OTOF: variants seen among roughly 807,000 people sequenced by gnomAD.
OTOF encodes fer-1-like family member 2.
In OTOF, 218 loss-of-function variants were observed where a neutral mutation model predicts 236.8. The ratio of observed to expected loss-of-function variants is 0.92; its 90% CI spans 0.82 to 1.03. The LOEUF (loss-of-function observed/expected upper bound fraction) is 1.03, where lower values mean the gene tolerates loss of function less well. Ranked by LOEUF, OTOF falls within the 50% of genes least tolerant of loss-of-function variation. The pLI, the probability that OTOF is intolerant of heterozygous loss-of-function variation, is 0.00. For synonymous variants in OTOF, 1,041 were observed against 1,072.5 expected, an observed-to-expected ratio of 0.97 and a Z score of 0.57; for missense variants, 2,590 against 2,694.4, an observed-to-expected ratio of 0.96 and a Z score of 0.86.
At chr2:26,528,919 G>T (rs1224069376) in intron 2 of OTOF, among the ~76,000 whole-genome samples, 1 of 152,248 alleles carries the variant, frequency 6.6e-6, no homozygotes, top group East Asian at 1.9e-4. Flanking sequence ...AGTGGCATCT[G>T]CAGGGCAGTG....
At chr2:26,459,415 G>A (rs1028762359) in intron 46 of OTOF, among the ~76,000 whole-genome samples, 3 of 152,148 alleles carry the variant, frequency 2.0e-5, no homozygotes, top group Non-Finnish European at 2.9e-5. Context: ...ATCCAGGCGT[G>A]GTGGCGGGTG....
intron 5 of OTOF, among the ~76,000 whole-genome samples, chr2:26,508,620 A>G (rs1666309396): frequency 6.6e-6 from 1 of 152,220 alleles, no homozygotes; most frequent in Non-Finnish European, 1.5e-5. Flanking sequence ...ATGGAAGATG[A>G]TGGGTGTTTT....
chr2:26,512,581 G>A (rs1047435543), intron 5 of OTOF, among the ~76,000 whole-genome samples: 3 of 152,226 alleles, frequency 2.0e-5, no homozygotes, highest in Admixed American at 1.3e-4. Context: ...CTGCAACACT[G>A]AGAGCCTGGG....
chr2:26,532,238 G>A (rs1666968083), intron 2 of OTOF, among the ~76,000 whole-genome samples: 2 of 152,130 alleles, frequency 1.3e-5, no homozygotes, highest in Non-Finnish European at 2.9e-5. Flanking sequence ...TTTTACAAGT[G>A]GGAAAGTGGA....
chr2:26,482,338 T>A, intron 14 of OTOF, 68 bp downstream of exon 14: 1 of 1,411,994 alleles, frequency 7.1e-7, no homozygotes, highest in East Asian at 2.3e-5. Flanking sequence ...AGAGAGGGCA[T>A]CTCACATATT....
chr2:26,507,173 AAAATGCAG>A (rs1463030082), intron 5 of OTOF, among the ~76,000 whole-genome samples: 2 of 152,220 alleles, frequency 1.3e-5, no homozygotes, highest in African/African-American at 4.8e-5. Context: ...CCCTTTATTA[AAAATGCAG>A]AAATGTGTAG....
At chr2:26,505,980 C>T (rs1666237791) in intron 5 of OTOF, among the ~76,000 whole-genome samples, 1 of 152,230 alleles carries the variant, frequency 6.6e-6, no homozygotes, top group African/African-American at 2.4e-5. Context: ...GGTGACATAA[C>T]ATTGAACAGA....
At chr2:26,553,999 C>G (rs901488859) in intron 1 of OTOF, among the ~76,000 whole-genome samples, 3 of 152,004 alleles carry the variant, frequency 2.0e-5, no homozygotes, top group East Asian at 1.9e-4. Context: ...GGTGAAACAC[C>G]GTCTCTACTA....
rs536415448 is a variant in OTOF, at chr2:26,513,734, G to T, written c.509+2684C>A. Among the ~76,000 whole-genome samples the T allele has an allele frequency of 9.2e-5, 14 of 152,238 alleles. 1 individual carries two copies. The highest frequency in any genetic ancestry group is 1.8e-4 in the Non-Finnish European group (12 of 68,032). On this transcript the variant is annotated intron_variant, in intron 5 of 46. Coordinates refer to ENST00000272371, the MANE Select transcript of OTOF (RefSeq NM_194248.3). ...AGAGGATGGAGGGCAGGGAGCAGAT[G>T]CAGGGGAAGCCTGCCTGGGCTCCTA... is the stretch of plus-strand genomic sequence containing the variant.
intron 5 of OTOF, among the ~76,000 whole-genome samples, chr2:26,509,359 G>T (rs79448589): frequency 6.6e-6 from 1 of 152,136 alleles, no homozygotes; most frequent in African/African-American, 2.4e-5. Context: ...CTCTGCCTAC[G>T]TGTCTTCCCT....
In OTOF at chr2:26,514,051, C is replaced by T. The variant is rs112352350; in HGVS notation, c.509+2367G>A. On this transcript the variant is annotated intron_variant, in intron 5 of 46. Transcript: ENST00000272371. ...AGTTCTTGAACCCGCTCCACCTTCTCCTCACCAGCAAATGGCCCATCTCTA... is the reference window on the plus strand; with the variant it reads ...AGTTCTTGAACCCGCTCCACCTTCTTCTCACCAGCAAATGGCCCATCTCTA... 1.6e-3 allele frequency among the ~76,000 whole-genome samples: 249 copies of T among 152,382 alleles called. 1 individual carries two copies. Among genetic ancestry groups the T allele is most frequent in the African/African-American group, 5.8e-3 (240 of 41,592 alleles).
chr2:26,465,596 CA>C lies in OTOF; in HGVS notation c.4799+75del. ...CACAATGTCTAACCTCTCAAATCACCAGGATCTGAATCTCATTTTAGAGTGG... is the reference window on the plus strand; with the variant it reads ...CACAATGTCTAACCTCTCAAATCACCGGATCTGAATCTCATTTTAGAGTGG... On this transcript the variant is annotated intron_variant, in intron 38 of 46. Coordinates refer to ENST00000272371, the MANE Select transcript of OTOF (RefSeq NM_194248.3). 4 of 1,478,192 alleles carry C rather than the reference CA, an allele frequency of 2.7e-6. No individual in the cohort carries two copies. In the South Asian group the frequency reaches 4.5e-5, roughly 17 times the overall value. The allele number at this position is 1,478,192 out of a possible 1,614,324, so 91.6% of individuals were successfully genotyped here. A position where few individuals can be genotyped will look rare whatever the true frequency, so the allele number is the denominator to read the frequency against.
At chr2:26,544,553 C>T (rs1667284570) in intron 1 of OTOF, among the ~76,000 whole-genome samples, 1 of 152,188 alleles carries the variant, frequency 6.6e-6, no homozygotes, top group African/African-American at 2.4e-5. Context: ...CCGTTGCATG[C>T]CTATACCACA....
intron 4 of OTOF, among the ~76,000 whole-genome samples, chr2:26,516,937 A>G (rs528159764): frequency 6.6e-6 from 1 of 152,166 alleles, no homozygotes; most frequent in East Asian, 1.9e-4. Flanking sequence ...CATAACCGAG[A>G]GTGTCGTTCA....
intron 30 of OTOF, among the ~76,000 whole-genome samples, chr2:26,472,178 C>T (rs1282109635): frequency 6.6e-6 from 1 of 151,656 alleles, no homozygotes; most frequent in East Asian, 1.9e-4. Context: ...CATGCACATA[C>T]ACCACATGCA....
In OTOF at chr2:26,484,593, G is replaced by A. The variant is rs751807922; in HGVS notation, c.1086C>T (p.Pro362=). Residue 362 remains proline, a synonymous_variant, in exon 12 of 47, where the codon CCC becomes CCT. Coordinates refer to ENST00000272371, the MANE Select transcript of OTOF (RefSeq NM_194248.3). Reference sequence around the variant, plus strand: ...CCTTCAGCCCCGAGGAGATGTCATCGGGGTCAGACAGGATGGCCCACTTGT... The same window carrying A: ...CCTTCAGCCCCGAGGAGATGTCATCAGGGTCAGACAGGATGGCCCACTTGT... ...FHHKWAILSD[P]DDISSGLKGY... 17 of 1,613,870 alleles carry A rather than the reference G, an allele frequency of 1.1e-5. No homozygotes were observed. The highest frequency in any genetic ancestry group is 2.7e-5 in the African/African-American group (2 of 75,026).
chr2:26,539,491 T>G (rs1230897765), intron 1 of OTOF, among the ~76,000 whole-genome samples: 2 of 152,128 alleles, frequency 1.3e-5, no homozygotes, highest in African/African-American at 4.8e-5. Flanking sequence ...ATCCCAGCAA[T>G]TTGGGAGGCC....
chr2:26,479,698 A>C, intron 16 of OTOF, 45 bp from the exon 17 acceptor site: 1 of 1,586,906 alleles, frequency 6.3e-7, no homozygotes, highest in Non-Finnish European at 8.6e-7. Context: ...ATTCCCCACC[A>C]GGCCCCTCCC....
At chr2:26,478,400 T>C (rs1219520013) in intron 18 of OTOF, among the ~76,000 whole-genome samples, 1 of 152,194 alleles carries the variant, frequency 6.6e-6, no homozygotes, top group Non-Finnish European at 1.5e-5. Context: ...CTTGATTTTT[T>C]TGGAGGTTTT....
Sources: gnomAD v4.1 joint callset for allele counts (sites outside exome capture counted in the v4.1 genomes callset) on GRCh38, gnomAD v4.1.1 for gene constraint, MANE v1.5 for transcripts, NCBI Gene and HGNC (gene_info 2026-07-23, HGNC 2026-07-21) for gene names.